SLC2A9: variants seen among roughly 807,000 people sequenced by gnomAD.
SLC2A9 encodes the protein solute carrier family 2 member 9.
In SLC2A9, 39 loss-of-function variants were observed where a neutral mutation model predicts 50.6. That is an observed-to-expected ratio of 0.77 (90% confidence interval 0.60 to 1.01). SLC2A9 has a LOEUF of 1.01. Ranked by LOEUF, SLC2A9 falls within the 50% of genes least tolerant of loss-of-function variation. SLC2A9 has a pLI of 0.00. For missense variants in SLC2A9, 686 were observed against 677.6 expected (o/e 1.01, Z -0.14); for synonymous variants, 324 against 276.9 (o/e 1.17, Z -1.69).
At chr4:9,787,703 A>C (rs922862176) in intron 3 of SLC2A9, among the ~76,000 whole-genome samples, 3 of 152,158 alleles carry the variant, frequency 2.0e-5, no homozygotes, top group African/African-American at 7.2e-5. Flanking sequence ...CATGACACGG[A>C]CCTTTGTGAA....
chr4:10,000,977 C>A (rs1759689943), intron 2 of SLC2A9, among the ~76,000 whole-genome samples: 2 of 152,160 alleles, frequency 1.3e-5, no homozygotes, highest in Non-Finnish European at 2.9e-5. Context: ...TAACCTCACA[C>A]CTCCAGATTT....
At chr4:9,790,538 A>G (rs1375795328) in intron 3 of SLC2A9, among the ~76,000 whole-genome samples, 1 of 152,178 alleles carries the variant, frequency 6.6e-6, no homozygotes, top group African/African-American at 2.4e-5. Context: ...AAGACTACAA[A>G]GTTGTATTCC....
intron 6 of SLC2A9, among the ~76,000 whole-genome samples, chr4:9,936,621 T>C (rs1747130604): frequency 6.6e-6 from 1 of 152,218 alleles, no homozygotes; most frequent in Non-Finnish European, 1.5e-5. Flanking sequence ...GTCTGCTGAA[T>C]GTCTGCATGT....
chr4:10,004,180 G>A (rs1186339197), intron 2 of SLC2A9, among the ~76,000 whole-genome samples: 1 of 152,208 alleles, frequency 6.6e-6, no homozygotes, highest in East Asian at 1.9e-4. Context: ...GTATGTATCA[G>A]ACATTTGGAT....
intron 4 of SLC2A9, among the ~76,000 whole-genome samples, chr4:9,981,639 C>T (rs1337950074): frequency 6.6e-6 from 1 of 152,140 alleles, no homozygotes; most frequent in Non-Finnish European, 1.5e-5. Flanking sequence ...GCACTTTTCC[C>T]ACCAGCTAAC....
chr4:9,787,115 T>C (rs1004454382), intron 3 of SLC2A9, among the ~76,000 whole-genome samples: 4 of 152,196 alleles, frequency 2.6e-5, no homozygotes, highest in African/African-American at 9.6e-5. Flanking sequence ...AGCTTCTTTA[T>C]CTGAGCAATG....
rs530350628 is a variant in SLC2A9 at position 9,844,290 on chromosome 4, C to T, written c.1292-9282G>A. On this transcript the variant is annotated intron_variant, in intron 10 of 11. Transcript: ENST00000264784. ...CCCTCTTTCTTTCTCTCCATCTCTC[C>T]TTCCCCCACTCATTTTTCTCCCTTC... is the stretch of plus-strand genomic sequence containing the variant. Among the ~76,000 whole-genome samples the T allele has an allele frequency of 1.8e-3, 277 of 152,030 alleles. 6 individuals are homozygous for T. The highest frequency in any genetic ancestry group is 9.1e-4 in the Non-Finnish European group (62 of 68,002).
At chr4:9,953,066 A>G (rs1344668713) in intron 5 of SLC2A9, among the ~76,000 whole-genome samples, 1 of 152,186 alleles carries the variant, frequency 6.6e-6, no homozygotes, top group African/African-American at 2.4e-5. Flanking sequence ...TCTATATCCA[A>G]GTTTCTCTGA....
At chr4:10,033,491 C>T (rs1764001713) in intron 1 of SLC2A9, among the ~76,000 whole-genome samples, 1 of 152,206 alleles carries the variant, frequency 6.6e-6, no homozygotes, top group Non-Finnish European at 1.5e-5. Context: ...ACCCAGAAAT[C>T]ATCTGGATGA....
chr4:9,839,515 T>C (rs1029674921), intron 10 of SLC2A9, among the ~76,000 whole-genome samples: 5 of 151,768 alleles, frequency 3.3e-5, no homozygotes, highest in African/African-American at 1.2e-4. Flanking sequence ...AATACAAAGA[T>C]ACATGCATGT....
chr4:9,813,904 T>G (rs2109005177), intron 3 of SLC2A9, among the ~76,000 whole-genome samples: 1 of 152,006 alleles, frequency 6.6e-6, no homozygotes, highest in Admixed American at 6.6e-5. Flanking sequence ...AAGACCAGCC[T>G]GGCCAACAAG....
chr4:9,774,922 G>A (rs1017163249), downstream of SLC2A9, among the ~76,000 whole-genome samples: 1 of 152,018 alleles, frequency 6.6e-6, no homozygotes, highest in Admixed American at 6.6e-5. Context: ...CATACCAGCA[G>A]AGCCACCCAG....
At chr4:9,829,858 A>G (rs1725777301) in intron 11 of SLC2A9, among the ~76,000 whole-genome samples, 1 of 152,216 alleles carries the variant, frequency 6.6e-6, no homozygotes, top group Non-Finnish European at 1.5e-5. Context: ...AAAAGTCAAG[A>G]AACAACAGAT....
intron 5 of SLC2A9, among the ~76,000 whole-genome samples, chr4:9,942,260 C>A (rs1025348497): frequency 6.6e-6 from 1 of 152,202 alleles, no homozygotes; most frequent in African/African-American, 2.4e-5. Context: ...CCTCAAGAGT[C>A]CCCTGTGAGA....
chr4:9,989,119 C>T (rs868804270), intron 3 of SLC2A9, among the ~76,000 whole-genome samples: 2 of 152,162 alleles, frequency 1.3e-5, no homozygotes, highest in Non-Finnish European at 2.9e-5. Context: ...CGTGTTCATC[C>T]GTTCCTGCAT....
chr4:9,778,205 G>T (rs1302268008), downstream of SLC2A9, among the ~76,000 whole-genome samples: 1 of 151,548 alleles, frequency 6.6e-6, no homozygotes, highest in Admixed American at 6.6e-5. Flanking sequence ...CAACTCCTGG[G>T]TTTGAGTAAT....
intron 5 of SLC2A9, among the ~76,000 whole-genome samples, chr4:9,945,573 G>A (rs1434851204): frequency 6.6e-6 from 1 of 152,186 alleles, no homozygotes; most frequent in African/African-American, 2.4e-5. Flanking sequence ...GGCATGACTG[G>A]CCGCCAAATC....
chr4:10,000,693 C>T (rs923303670), intron 2 of SLC2A9, among the ~76,000 whole-genome samples: 1 of 152,170 alleles, frequency 6.6e-6, no homozygotes. Flanking sequence ...GGAACTTTCC[C>T]GGAAGCTTCT....
chr4:9,899,358 G>A (rs928083406), intron 8 of SLC2A9, among the ~76,000 whole-genome samples: 1 of 152,192 alleles, frequency 6.6e-6, no homozygotes, highest in South Asian at 2.1e-4. Context: ...AGAACAGAAG[G>A]CCAAGGTACA....
Sources: gnomAD v4.1 joint callset for allele counts (sites outside exome capture counted in the v4.1 genomes callset) on GRCh38, gnomAD v4.1.1 for gene constraint, MANE v1.5 for transcripts, NCBI Gene and HGNC (gene_info 2026-07-23, HGNC 2026-07-21) for gene names.